CTNNA3: variants seen among roughly 807,000 people sequenced by gnomAD.
CTNNA3 encodes catenin alpha-3.
CTNNA3 carries 76 observed loss-of-function variants against 95.7 expected under a neutral mutation model. That is an observed-to-expected ratio of 0.79 (90% CI 0.66 to 0.96). The LOEUF is 0.96. Among genes scored for constraint, CTNNA3 ranks in the 40% least tolerant of loss-of-function variants. The probability of loss-of-function intolerance (pLI) is 0.00; values close to 1 mark genes in which losing one functional copy is unlikely to be tolerated. For synonymous variants in CTNNA3, 431 were observed against 374.4 expected (o/e 1.15, Z -1.74); for missense variants, 1,191 against 1,089.8 (o/e 1.09, Z -1.31).
At chr10:67,283,466 G>A (rs933802867) in intron 5 of CTNNA3, among the ~76,000 whole-genome samples, 4 of 152,122 alleles carry the variant, frequency 2.6e-5, no homozygotes, top group Non-Finnish European at 5.9e-5. Flanking sequence ...GTGACTATGT[G>A]TACAACTTCA....
chr10:67,008,806 A>G (rs1281672275), intron 7 of CTNNA3, among the ~76,000 whole-genome samples: 1 of 152,196 alleles, frequency 6.6e-6, no homozygotes, highest in Non-Finnish European at 1.5e-5. Flanking sequence ...GCCCCAGTGC[A>G]TAAGAATCTT....
intron 5 of CTNNA3, among the ~76,000 whole-genome samples, chr10:67,315,223 G>A (rs1288371599): frequency 6.6e-6 from 1 of 151,904 alleles, no homozygotes; most frequent in African/African-American, 2.4e-5. Flanking sequence ...TCATTTTATT[G>A]CCTAACAGGC....
intron 11 of CTNNA3, among the ~76,000 whole-genome samples, chr10:66,519,832 C>T (rs1055075371): frequency 6.6e-6 from 1 of 152,100 alleles, no homozygotes; most frequent in African/African-American, 2.4e-5. Flanking sequence ...GGGTGCGTGT[C>T]CTGAACTTTG....
At chr10:66,755,306 G>A (rs1839320232) in intron 9 of CTNNA3, among the ~76,000 whole-genome samples, 1 of 152,110 alleles carries the variant, frequency 6.6e-6, no homozygotes, top group African/African-American at 2.4e-5. Context: ...TAGTTTGATA[G>A]ATTAATAGTA....
intron 17 of CTNNA3, among the ~76,000 whole-genome samples, chr10:65,923,782 C>A (rs1051334037): frequency 1.3e-5 from 2 of 152,018 alleles, no homozygotes; most frequent in Admixed American, 6.6e-5. Flanking sequence ...GGGGAGAAAT[C>A]AATGCATGAA....
chr10:67,695,814 G>A (rs1323681073), intron 1 of CTNNA3, among the ~76,000 whole-genome samples, 186 bp downstream of exon 1: 1 of 152,180 alleles, frequency 6.6e-6, no homozygotes, highest in Non-Finnish European at 1.5e-5. Context: ...TTTAAAATTA[G>A]CGTGAAAGCC....
intron 10 of CTNNA3, among the ~76,000 whole-genome samples, chr10:66,544,080 T>C (rs1221870584): frequency 1.3e-5 from 2 of 151,766 alleles, no homozygotes; most frequent in Non-Finnish European, 2.9e-5. Context: ...ATGCAGAAGA[T>C]TGAATAGTAT....
Position 66,199,774 on chromosome 10 carries a change from TATATATATATATATATATATATATATATA to T in CTNNA3, c.1884+80667_1884+80695del, listed in dbSNP as rs1564755621. On this transcript the variant is annotated intron_variant, in intron 13 of 17. Transcript: ENST00000433211. ...GTGCCACCACGCCTGGCTATATATA[TATATATATATATATATATATATATATATA>T]TATTTTTTTTTTTTTTTTTTTTTTT... 1.2e-3 allele frequency among the ~76,000 whole-genome samples: 9 copies of T among 7,624 alleles called. 1 individual carries two copies. The highest frequency in any genetic ancestry group is 3.7e-3 in the African/African-American group (9 of 2,422). The allele number at this position is 7,624 out of a possible 152,430, so 5.0% of individuals were successfully genotyped here.
At chr10:66,740,637 C>G (rs1252274058) in intron 9 of CTNNA3, among the ~76,000 whole-genome samples, 2 of 152,070 alleles carry the variant, frequency 1.3e-5, no homozygotes, top group African/African-American at 4.8e-5. Flanking sequence ...AATGCTGTTT[C>G]TTTTTCAAAT....
intron 14 of CTNNA3, among the ~76,000 whole-genome samples, chr10:66,083,556 A>G (rs2080853129): frequency 6.6e-6 from 1 of 152,218 alleles, no homozygotes; most frequent in Admixed American, 6.6e-5. Flanking sequence ...CCTGGACTAT[A>G]TATAAAAATA....
At chr10:66,571,597 CT>C (rs1371631460) in intron 10 of CTNNA3, among the ~76,000 whole-genome samples, 2 of 152,090 alleles carry the variant, frequency 1.3e-5, no homozygotes, top group Non-Finnish European at 2.9e-5. Context: ...CACCCTAAGT[CT>C]TTTGGGTTCA....
At chr10:67,668,995 T>G (rs1458625242) in intron 1 of CTNNA3, among the ~76,000 whole-genome samples, 1 of 151,904 alleles carries the variant, frequency 6.6e-6, no homozygotes, top group East Asian at 1.9e-4. Context: ...CTCGCCACCA[T>G]GCCCGGCTAA....
At chr10:66,609,688 G>A (rs906703618) in intron 10 of CTNNA3, among the ~76,000 whole-genome samples, 1 of 151,920 alleles carries the variant, frequency 6.6e-6, no homozygotes, top group Non-Finnish European at 1.5e-5. Context: ...AAAACAGCAT[G>A]GTGAATCCTC....
chr10:66,905,328 C>T (rs1845939688), intron 7 of CTNNA3, among the ~76,000 whole-genome samples: 1 of 152,088 alleles, frequency 6.6e-6, no homozygotes. Flanking sequence ...AATAAGAACA[C>T]ATGGACACAG....
intron 1 of CTNNA3, among the ~76,000 whole-genome samples, chr10:67,695,324 T>C (rs966153169): frequency 6.6e-6 from 1 of 152,206 alleles, no homozygotes; most frequent in African/African-American, 2.4e-5. Flanking sequence ...TCATTTCTTT[T>C]ATTTGTCTTC....
rs373171397 is a variant in CTNNA3 at position 66,775,627 on chromosome 10, A to T, written c.1048-103T>A. ...TGAAAATAACAGCTTGAAATTCAAG[A>T]ATAGGTTTCAAAACTGCTATATTAT... On this transcript the variant is annotated intron_variant, in intron 7 of 17. Coordinates refer to ENST00000433211, the MANE Select transcript of CTNNA3 (RefSeq NM_013266.4). 31 of 774,920 alleles carry T rather than the reference A, an allele frequency of 4.0e-5. No individual in the cohort carries two copies. In the East Asian group the frequency reaches 6.7e-4, roughly 17 times the overall value. 48.0% of individuals were successfully genotyped at this position (774,920 alleles called of 1,614,324 possible). A position where few individuals can be genotyped will look rare whatever the true frequency, so the allele number is the denominator to read the frequency against.
intron 7 of CTNNA3, among the ~76,000 whole-genome samples, chr10:66,947,321 G>T (rs1848324889): frequency 6.6e-6 from 1 of 152,078 alleles, no homozygotes; most frequent in South Asian, 2.1e-4. Flanking sequence ...TATATTAAAG[G>T]ACACTAAGAA....
chr10:67,220,836 A>G (rs952677337), intron 5 of CTNNA3, among the ~76,000 whole-genome samples: 2 of 152,188 alleles, frequency 1.3e-5, no homozygotes, highest in African/African-American at 4.8e-5. Flanking sequence ...TCACATGGAT[A>G]TCATGTACCC....
At chr10:67,668,367 G>T (rs575201093) in intron 1 of CTNNA3, among the ~76,000 whole-genome samples, 1 of 152,226 alleles carries the variant, frequency 6.6e-6, no homozygotes, top group Non-Finnish European at 1.5e-5. Context: ...CAAGGTATGT[G>T]TTCCAAGACC....
Sources: allele counts gnomAD v4.1 joint callset (sites outside exome capture counted in the v4.1 genomes callset), GRCh38; gene constraint gnomAD v4.1.1; transcripts MANE v1.5; gene names NCBI Gene and HGNC (gene_info 2026-07-23, HGNC 2026-07-21).